KCNT2: variants seen among roughly 807,000 people sequenced by gnomAD.
The protein encoded by KCNT2 is potassium channel subfamily T member 2.
KCNT2 carries 67 observed loss-of-function variants against 153.8 expected under a neutral mutation model. The ratio of observed to expected loss-of-function variants is 0.44; its 90% confidence interval spans 0.36 to 0.53. KCNT2 has a LOEUF of 0.53. Among genes scored for constraint, KCNT2 ranks in the 20% least tolerant of loss-of-function variants. KCNT2 has a pLI of 0.00. For missense variants in KCNT2, 975 were observed against 1,354.8 expected (o/e 0.72, Z 4.40); for synonymous variants, 500 against 458.8 (o/e 1.09, Z -1.15).
At position 196,421,878 on chromosome 1, in the gene KCNT2, C is replaced by T. The variant is rs897757811; in HGVS notation, c.1185+1172G>A. 3.3e-5 allele frequency among the ~76,000 whole-genome samples: 5 copies of T among 152,088 alleles called. 1 individual carries two copies. Among genetic ancestry groups the T allele is most frequent in the African/African-American group, 9.6e-5 (4 of 41,532 alleles). ...CCTCTCTCCTTGGCATGTATATTGC[C>T]GTCTTCATGTTTACATGGTGTTTTC... On this transcript the variant is annotated intron_variant, in intron 12 of 27. Coordinates refer to ENST00000294725, the MANE Select transcript of KCNT2 (RefSeq NM_198503.5).
At chr1:196,259,219 C>T (rs948688354) in intron 25 of KCNT2, among the ~76,000 whole-genome samples, 1 of 152,048 alleles carries the variant, frequency 6.6e-6, no homozygotes, top group African/African-American at 2.4e-5. Flanking sequence ...ACAGGCTGTT[C>T]TCCATAGGAG....
At chr1:196,233,141 A>C (rs1181027287) in intron 27 of KCNT2, among the ~76,000 whole-genome samples, 1 of 151,424 alleles carries the variant, frequency 6.6e-6, no homozygotes, top group African/African-American at 2.4e-5. Flanking sequence ...ATCCAAGTGC[A>C]TCATAAATAA....
At chr1:196,495,637 A>G (rs2148745491) in intron 1 of KCNT2, among the ~76,000 whole-genome samples, 1 of 152,242 alleles carries the variant, frequency 6.6e-6, no homozygotes, top group African/African-American at 2.4e-5. Context: ...TCTTACACTA[A>G]GTTAGTGTAC....
Position 196,553,069 on chromosome 1 carries a change from C to G in KCNT2, c.95+55146G>C, listed in dbSNP as rs548867590. 3.2e-4 allele frequency among the ~76,000 whole-genome samples: 49 copies of G among 150,996 alleles called. 1 individual carries two copies. The highest frequency in any genetic ancestry group is 3.4e-3 in the Middle Eastern group (1 of 292). ...ATGGCAGGAATAACTCCCTACTTAT[C>G]AATAATAACAAAATGTAAATGGACT... On this transcript the variant is annotated intron_variant, in intron 1 of 27. Transcript: ENST00000294725.
chr1:196,428,803 GT>G (rs1369187419), intron 9 of KCNT2, among the ~76,000 whole-genome samples: 2 of 152,078 alleles, frequency 1.3e-5, no homozygotes, highest in Non-Finnish European at 2.9e-5. Context: ...TGCGGCCAAA[GT>G]TTTGCAATGG....
intron 13 of KCNT2, among the ~76,000 whole-genome samples, chr1:196,374,767 C>T (rs1444323442): frequency 6.6e-6 from 1 of 151,668 alleles, no homozygotes; most frequent in African/African-American, 2.4e-5. Context: ...GACAAAACTG[C>T]TAAACCCGGA....
intron 1 of KCNT2, among the ~76,000 whole-genome samples, chr1:196,533,677 G>A (rs1655211020): frequency 6.6e-6 from 1 of 152,032 alleles, no homozygotes; most frequent in Admixed American, 6.6e-5. Flanking sequence ...GGGTGCAGAA[G>A]TATTTATTTA....
At chr1:196,445,411 A>G (rs916690078) in intron 8 of KCNT2, among the ~76,000 whole-genome samples, 3 of 151,440 alleles carry the variant, frequency 2.0e-5, no homozygotes, top group African/African-American at 4.8e-5. Flanking sequence ...GAGGCACAAA[A>G]TAAGCTTTGT....
At chr1:196,586,154 C>T (rs1404870314) in intron 1 of KCNT2, among the ~76,000 whole-genome samples, 2 of 152,024 alleles carry the variant, frequency 1.3e-5, no homozygotes, top group Non-Finnish European at 2.9e-5. Flanking sequence ...GTCCCAGCTA[C>T]TTGGGAGGCT....
At chr1:196,352,341 C>A (rs573108195) in intron 14 of KCNT2, among the ~76,000 whole-genome samples, 1 of 151,624 alleles carries the variant, frequency 6.6e-6, no homozygotes, top group African/African-American at 2.4e-5. Flanking sequence ...GTCCTGGACT[C>A]TTTTTGGTTG....
chr1:196,326,592 A>G (rs922670618), intron 19 of KCNT2, 125 bp downstream of exon 19: 1 of 499,236 alleles, frequency 2.0e-6, no homozygotes, highest in African/African-American at 2.1e-5. Context: ...TCTCCCAATG[A>G]ATCATGTACC....
chr1:196,564,815 C>T (rs927735927), intron 1 of KCNT2, among the ~76,000 whole-genome samples: 1 of 151,642 alleles, frequency 6.6e-6, no homozygotes, highest in African/African-American at 2.4e-5. Flanking sequence ...TTCTTATACA[C>T]AAAATTCAAC....
At chr1:196,520,608 C>A (rs1165603125) in intron 1 of KCNT2, among the ~76,000 whole-genome samples, 3 of 151,966 alleles carry the variant, frequency 2.0e-5, no homozygotes, top group East Asian at 1.9e-4. Flanking sequence ...ACACACAGAC[C>A]AATGAAACAT....
intron 13 of KCNT2, among the ~76,000 whole-genome samples, chr1:196,380,828 A>C (rs1222144711): frequency 6.6e-6 from 1 of 152,218 alleles, no homozygotes; most frequent in Non-Finnish European, 1.5e-5. Flanking sequence ...GAGAATAGAT[A>C]ATGTCTTGCA....
Position 196,289,093 on chromosome 1 carries a change from AT to A in KCNT2, c.2596-3336del, listed in dbSNP as rs1412223899. Among the ~76,000 whole-genome samples, 6 of 152,198 alleles carry A rather than the reference AT, an allele frequency of 3.9e-5. No individual in the cohort carries two copies. The South Asian group carries it at 1.0e-3, about 26-fold the overall frequency. On this transcript the variant is annotated intron_variant, in intron 22 of 27. Transcript: ENST00000294725. ...GTATATAGTAAGTACTTAAAAAGAT[AT>A]TTTTATTATCAGTTGTTTGAATATG...
At chr1:196,567,823 A>C (rs189012323) in intron 1 of KCNT2, among the ~76,000 whole-genome samples, 1 of 152,360 alleles carries the variant, frequency 6.6e-6, no homozygotes, top group Admixed American at 6.5e-5. Flanking sequence ...CAGCATTTAC[A>C]TCTCTAACTA....
At chr1:196,410,684 A>G (rs2148480510) in intron 12 of KCNT2, among the ~76,000 whole-genome samples, 1 of 149,516 alleles carries the variant, frequency 6.7e-6, no homozygotes. Context: ...GGTGCTTACT[A>G]CGCAATAAAA....
In KCNT2 at chr1:196,487,252, GTT is replaced by G. The variant is rs1395825024; in HGVS notation, c.275+2584_275+2585del. Among the ~76,000 whole-genome samples the G allele has an allele frequency of 2.0e-5, 3 of 151,946 alleles. No individual in the cohort carries two copies. In the East Asian group the frequency reaches 5.8e-4, roughly 29 times the overall value. On this transcript the variant is annotated intron_variant, in intron 3 of 27. Transcript: ENST00000294725. Reference sequence around the variant, plus strand: ...AGTATGAAGTACAAGCAAAAGTGATGTTTGTCATTTGTTGGCCAATAATTTTT... The same window carrying G: ...AGTATGAAGTACAAGCAAAAGTGATGTGTCATTTGTTGGCCAATAATTTTT...
chr1:196,387,143 T>C (rs776748639), intron 13 of KCNT2, among the ~76,000 whole-genome samples: 36 of 152,012 alleles, frequency 2.4e-4, no homozygotes, highest in Admixed American at 4.6e-4. Context: ...AAATTAAAAA[T>C]AATAATCATC....
Sources: gnomAD v4.1 joint callset for allele counts (sites outside exome capture counted in the v4.1 genomes callset) on GRCh38, gnomAD v4.1.1 for gene constraint, MANE v1.5 for transcripts, NCBI Gene and HGNC (gene_info 2026-07-23, HGNC 2026-07-21) for gene names.